The following SLC1A6 variants were observed in gnomAD, a reference collection of about 807,000 sequenced individuals.
SLC1A6 encodes excitatory amino acid transporter 4.
SLC1A6 carries 15 observed loss-of-function variants against 42.1 expected under a neutral mutation model. That is an observed-to-expected ratio of 0.36 (90% CI 0.24 to 0.55). SLC1A6 has a LOEUF of 0.55. Among genes scored for constraint, SLC1A6 ranks in the 20% least tolerant of loss-of-function variants. The probability of loss-of-function intolerance (pLI) is 0.88; values close to 1 mark genes in which losing one functional copy is unlikely to be tolerated. For synonymous variants in SLC1A6, 317 were observed against 319.7 expected (o/e 0.99, Z 0.09); for missense variants, 542 against 772.5 (o/e 0.70, Z 3.54).
intron 6 of SLC1A6, among the ~76,000 whole-genome samples, chr19:14,957,243 T>G (rs931025884): frequency 2.6e-5 from 4 of 152,206 alleles, no homozygotes; most frequent in African/African-American, 7.2e-5. Context: ...CACCGATGTA[T>G]TCATTCATTC....
chr19:14,951,674 G>C (rs577826457), intron 9 of SLC1A6, among the ~76,000 whole-genome samples: 1 of 151,992 alleles, frequency 6.6e-6, no homozygotes, highest in African/African-American at 2.4e-5. Context: ...CCACCACTAG[G>C]CCCGGCTAAT....
At chr19:14,952,112 C>T (rs190405904) in intron 9 of SLC1A6, among the ~76,000 whole-genome samples, 12 of 152,114 alleles carry the variant, frequency 7.9e-5, no homozygotes, top group South Asian at 6.2e-4. Flanking sequence ...GTGTCCTACC[C>T]GTAAACCTCC....
intron 7 of SLC1A6, among the ~76,000 whole-genome samples, chr19:14,955,027 C>A (rs71334752): frequency 0.021 from 3,247 of 152,248 alleles, 50 homozygotes; most frequent in Non-Finnish European, 0.029. Flanking sequence ...CATGTCTTAT[C>A]GGAGAAAAGT....
intron 1 of SLC1A6, among the ~76,000 whole-genome samples, chr19:14,985,614 C>A (rs2045789033): frequency 6.6e-6 from 1 of 152,122 alleles, no homozygotes; most frequent in Non-Finnish European, 1.5e-5. Flanking sequence ...AACTGTGAGC[C>A]AAAATAAAGC....
intron 6 of SLC1A6, chr19:14,961,289 A>G (rs1024424554): frequency 1.3e-5 from 2 of 152,232 alleles, no homozygotes; most frequent in Non-Finnish European, 2.9e-5. Context: ...CCATTCCACA[A>G]TGTAGAGATA....
chr19:15,005,632 T>C (rs1388357932), intron 1 of SLC1A6, among the ~76,000 whole-genome samples: 5 of 152,156 alleles, frequency 3.3e-5, no homozygotes, highest in African/African-American at 7.2e-5. Flanking sequence ...TGGAAGTTGA[T>C]ATAGAGAATG....
chr19:14,984,780 T>C (rs1365961072), upstream of SLC1A6, among the ~76,000 whole-genome samples: 5 of 152,260 alleles, frequency 3.3e-5, no homozygotes, highest in African/African-American at 1.2e-4. Flanking sequence ...TCATGTTTGT[T>C]AATATCATCA....
At chr19:14,975,100 G>GAAA (rs909163551) in intron 1 of SLC1A6, 2 of 152,084 alleles carry the variant, frequency 1.3e-5, no homozygotes, top group Non-Finnish European at 2.9e-5. Flanking sequence ...TGAAAGAGAT[G>GAAA]AAAACATCAG....
chr19:15,010,215 AAGAGAGAGAG>A (rs1351059380), intron 1 of SLC1A6, among the ~76,000 whole-genome samples: 1 of 84,340 alleles, frequency 1.2e-5, no homozygotes, highest in Non-Finnish European at 2.5e-5. Context: ...AGAAAAAAGA[AAGAGAGAGAG>A]AGAAAAGAAA....
rs1225393638 is a variant in SLC1A6, at chr19:14,954,336, G to GA, written c.1170-8dup. On this transcript the variant is annotated splice_region_variant and splice_polypyrimidine_tract_variant and intron_variant, in intron 7 of 9. Coordinates refer to ENST00000594383, the MANE Select transcript of SLC1A6 (RefSeq NM_005071.3). The stretch of plus-strand genomic sequence containing the variant: ...GATGGGCAGCGTTGCCGAGCTGGGG[G>GA]AAAGAGCCCAGGACTGAGGATGGGG... The GA allele has an allele frequency of 6.2e-7, 1 of 1,604,360 alleles. No individual in the cohort carries two copies. The highest frequency in any genetic ancestry group is 8.5e-7 in the Non-Finnish European group (1 of 1,179,706).
At chr19:14,970,226 T>C (rs1330121145) in intron 3 of SLC1A6, among the ~76,000 whole-genome samples, 1 of 152,062 alleles carries the variant, frequency 6.6e-6, no homozygotes, top group Non-Finnish European at 1.5e-5. Flanking sequence ...TGTATCACCA[T>C]ATCCTGCTGA....
At position 14,954,193 on chromosome 19, in the gene SLC1A6, T is replaced by C. The variant is rs748129637; in HGVS notation, c.1306A>G (p.Ile436Val). ...TAGTTGTTAACTTGAGCAATGAAGA[T>C]GGCAGCCAGGGCCTCGTAGAGGGCA... is the stretch of plus-strand genomic sequence containing the variant. ...GTALYEALAAIFIAQVNNYEL... is the reference protein window; with the variant it reads ...GTALYEALAAVFIAQVNNYEL... Residue 436 changes from isoleucine (I) to valine (V), a missense_variant, in exon 8 of 10, where the codon ATC (isoleucine) becomes GTC (valine). Around this residue, in one of 6 missense-constraint regions of SLC1A6, gnomAD observed 54 missense variants for 125.1 expected, o/e 0.43. Coordinates refer to ENST00000594383, the MANE Select transcript of SLC1A6 (RefSeq NM_005071.3). 3 of 1,613,990 alleles carry C rather than the reference T, an allele frequency of 1.9e-6. No individual in the cohort carries two copies. Among genetic ancestry groups the C allele is most frequent in the South Asian group, 2.2e-5 (2 of 91,042 alleles).
intron 1 of SLC1A6, among the ~76,000 whole-genome samples, chr19:14,986,353 A>T (rs1230785819): frequency 6.6e-6 from 1 of 151,800 alleles, no homozygotes; most frequent in Non-Finnish European, 1.5e-5. Context: ...CCCCGTCTCT[A>T]CTAAAAATAC....
In SLC1A6 at chr19:14,990,705, G is replaced by A. The variant is rs775102795; in HGVS notation, c.7-17788C>T. Among the ~76,000 whole-genome samples the A allele has an allele frequency of 2.0e-5, 3 of 151,558 alleles. No homozygotes were observed. The South Asian group carries it at 6.2e-4, about 31-fold the overall frequency. The stretch of plus-strand genomic sequence containing the variant: ...AATCTCTTGAACTTGGGAGGCGGAG[G>A]TTGCAGTGAGCCAAGATCATACCAC... On this transcript the variant is annotated intron_variant, in intron 1 of 8. Transcript: ENST00000430939.
intron 1 of SLC1A6, among the ~76,000 whole-genome samples, chr19:15,000,909 T>C (rs2045869136): frequency 6.6e-6 from 1 of 152,180 alleles, no homozygotes; most frequent in Non-Finnish European, 1.5e-5. Flanking sequence ...CATATCTTTT[T>C]CTGAGAGGCA....
Position 14,989,604 on chromosome 19 carries a change from G to A in SLC1A6, c.7-16687C>T, listed in dbSNP as rs56958002. 3.1e-3 allele frequency among the ~76,000 whole-genome samples: 469 copies of A among 152,080 alleles called. 4 individuals are homozygous for A. Among genetic ancestry groups the A allele is most frequent in the African/African-American group, 0.01 (426 of 41,456 alleles). On this transcript the variant is annotated intron_variant, in intron 1 of 8. Coordinates refer to the SLC1A6 transcript ENST00000430939. ...AAAAGATAAGTGGTCAGGGGAATTC[G>A]GAGAAAAGACAACCCATGTGCTCTG... is the stretch of plus-strand genomic sequence containing the variant.
intron 6 of SLC1A6, among the ~76,000 whole-genome samples, chr19:14,957,353 C>T (rs1039851710): frequency 1.3e-5 from 2 of 152,168 alleles, no homozygotes; most frequent in Non-Finnish European, 2.9e-5. Flanking sequence ...GTCCCCTCCC[C>T]ACTCCAACCA....
intron 3 of SLC1A6, among the ~76,000 whole-genome samples, chr19:14,971,073 T>C (rs1412348295): frequency 6.6e-6 from 1 of 152,130 alleles, no homozygotes; most frequent in African/African-American, 2.4e-5. Context: ...GAGATTGCAG[T>C]GAGCCAAGAT....
At position 14,979,427 on chromosome 19, in the gene SLC1A6, C is replaced by T. The variant is rs1296597057; in HGVS notation, c.-126G>A. The stretch of plus-strand genomic sequence containing the variant: ...AGGGAGCGCCCCACACGCCTGACCC[C>T]AGCGCCTCGGATCCCCCACCTGCCC... On this transcript the variant is annotated 5_prime_UTR_variant, in exon 1 of 10. Transcript: ENST00000594383. This position sits in a 1 kb window ranked among gnomAD's most constrained non-coding sequence, Gnocchi z 4.2. 6.6e-6 allele frequency: 1 copy of T among 152,242 alleles called. No individual in the cohort carries two copies. The highest frequency in any genetic ancestry group is 1.5e-5 in the Non-Finnish European group (1 of 68,098). The allele number at this position is 152,242 out of a possible 1,614,324, so 9.4% of individuals were successfully genotyped here.
Sources: allele counts gnomAD v4.1 joint callset (sites outside exome capture counted in the v4.1 genomes callset), GRCh38; gene constraint gnomAD v4.1.1; regional missense constraint gnomAD v4.1.1; non-coding constraint Gnocchi (gnomAD v3.1); transcripts MANE v1.5; gene names NCBI Gene and HGNC (gene_info 2026-07-23, HGNC 2026-07-21).